The following LPGAT1 variants were observed in gnomAD, a reference collection of about 807,000 sequenced individuals.
LPGAT1 encodes the protein acyl-CoA:lysophosphatidylglycerol acyltransferase 1.
In LPGAT1, 11 loss-of-function variants were observed where a neutral mutation model predicts 47.5. The ratio of observed to expected loss-of-function variants is 0.23; its 90% CI spans 0.15 to 0.38. The LOEUF (loss-of-function observed/expected upper bound fraction) is 0.38. Among genes scored for constraint, LPGAT1 ranks in the 10% least tolerant of loss-of-function variants. The pLI is 1.00. For missense variants in LPGAT1, 293 were observed against 439.0 expected (o/e 0.67, Z 2.97); for synonymous variants, 138 against 144.2 (o/e 0.96, Z 0.31).
chr1:211,771,906 T>C (rs1286141279), intron 6 of LPGAT1, among the ~76,000 whole-genome samples: 3 of 152,192 alleles, frequency 2.0e-5, no homozygotes, highest in Non-Finnish European at 4.4e-5. Flanking sequence ...CTTGAAGACA[T>C]TAAGAGTCTC....
chr1:211,781,169 T>G (rs929819237), intron 5 of LPGAT1, among the ~76,000 whole-genome samples: 2 of 152,242 alleles, frequency 1.3e-5, no homozygotes, highest in Non-Finnish European at 2.9e-5. Context: ...AGTACACTTA[T>G]AATTTTTCTT....
At chr1:211,820,462 C>T (rs1346767665) in intron 2 of LPGAT1, among the ~76,000 whole-genome samples, 1 of 148,868 alleles carries the variant, frequency 6.7e-6, no homozygotes, top group Non-Finnish European at 1.5e-5. Flanking sequence ...AACAAGACCA[C>T]AAACAAGAAA....
intron 2 of LPGAT1, among the ~76,000 whole-genome samples, chr1:211,798,596 T>A (rs1224562052): frequency 6.6e-6 from 1 of 152,080 alleles, no homozygotes; most frequent in East Asian, 1.9e-4. Context: ...AGGCAGAGGA[T>A]CTCTTGGGCT....
chr1:211,781,806 T>C (rs185775207), intron 5 of LPGAT1, among the ~76,000 whole-genome samples: 74 of 152,338 alleles, frequency 4.9e-4, no homozygotes, highest in Non-Finnish European at 9.0e-4. Flanking sequence ...GTATCTTAGA[T>C]AGCTTGTTCA....
At chr1:211,783,086 C>T (rs1251455218) in intron 5 of LPGAT1, 143 bp downstream of exon 5, 2 of 758,724 alleles carry the variant, frequency 2.6e-6, no homozygotes, top group African/African-American at 1.8e-5. Context: ...TAAATGGAAA[C>T]TTTTTTAAAA....
chr1:211,811,030 C>T (rs1186760407), intron 2 of LPGAT1, among the ~76,000 whole-genome samples: 1 of 152,094 alleles, frequency 6.6e-6, no homozygotes, highest in Non-Finnish European at 1.5e-5. Context: ...CATTCACCAC[C>T]CAAAGTGGGG....
At chr1:211,796,265 C>T (rs1464608619) in intron 2 of LPGAT1, among the ~76,000 whole-genome samples, 1 of 151,986 alleles carries the variant, frequency 6.6e-6, no homozygotes, top group African/African-American at 2.4e-5. Context: ...AATTCATGTC[C>T]CCCCAAAATC....
chr1:211,773,326 G>A (rs1298885161), intron 6 of LPGAT1, among the ~76,000 whole-genome samples: 1 of 152,000 alleles, frequency 6.6e-6, no homozygotes, highest in Non-Finnish European at 1.5e-5. Flanking sequence ...AAATGTTAAT[G>A]TTTGTTTACC....
chr1:211,779,027 G>A lies in LPGAT1; in HGVS notation c.745C>T (p.Leu249Phe). ...ATCGTTGTATCTATTATCCACTGGAGGCCTTTTGATTTGCTGTCTGAGAAC... is the reference window on the plus strand; with the variant it reads ...ATCGTTGTATCTATTATCCACTGGAAGCCTTTTGATTTGCTGTCTGAGAAC... ...AKELDSKSKG[L>F]QWIIDTTIAY... The change falls in exon 6 of 8, where the codon CTC becomes TTC. Residue 249 changes from leucine (L) to phenylalanine (F), a missense_variant. Coordinates refer to ENST00000366997, the MANE Select transcript of LPGAT1 (RefSeq NM_014873.3). 1 of 1,582,296 alleles carries A rather than the reference G, an allele frequency of 6.3e-7. No individual in the cohort carries two copies. Among genetic ancestry groups the A allele is most frequent in the Non-Finnish European group, 8.5e-7 (1 of 1,170,594 alleles).
chr1:211,790,684 T>A (rs1558270233), intron 3 of LPGAT1, among the ~76,000 whole-genome samples: 1 of 152,130 alleles, frequency 6.6e-6, no homozygotes, highest in South Asian at 2.1e-4. Flanking sequence ...GATAGAAAAA[T>A]GAACCTAGCC....
chr1:211,766,205 C>T (rs1657906479), intron 6 of LPGAT1, among the ~76,000 whole-genome samples: 1 of 152,136 alleles, frequency 6.6e-6, no homozygotes, highest in East Asian at 1.9e-4. Context: ...GAACTGACAA[C>T]GTTGGCTCCC....
At position 211,745,491 on chromosome 1, in the gene LPGAT1, A is replaced by G. The variant is rs1656906647; in HGVS notation, c.*4408T>C. 3 of 152,350 alleles carry G rather than the reference A, an allele frequency of 2.0e-5. No homozygotes were observed. The South Asian group carries it at 6.2e-4, about 32-fold the overall frequency. 9.4% of individuals were successfully genotyped at this position (152,350 alleles called of 1,614,324 possible). Reference sequence around the variant, plus strand: ...TTACACAATAAAAATAAAGCCATTCAAGATATGTGTGCATACTTTGCAACT... The same window carrying G: ...TTACACAATAAAAATAAAGCCATTCGAGATATGTGTGCATACTTTGCAACT... On this transcript the variant is annotated 3_prime_UTR_variant, in exon 8 of 8. Transcript: ENST00000366997.
intron 2 of LPGAT1, among the ~76,000 whole-genome samples, chr1:211,803,764 C>CTTTTTTTTT (rs372453326): frequency 7.2e-6 from 1 of 139,042 alleles, no homozygotes; most frequent in Non-Finnish European, 1.6e-5. Flanking sequence ...GTTTTTCTTT[C>CTTTTTTTTT]TTTTTTTTTT....
intron 3 of LPGAT1, among the ~76,000 whole-genome samples, chr1:211,790,038 T>C (rs1659044545): frequency 6.6e-6 from 1 of 152,178 alleles, no homozygotes; most frequent in South Asian, 2.1e-4. Flanking sequence ...AAAATCAATC[T>C]ATATCAATTA....
At chr1:211,779,089 A>G in intron 5 of LPGAT1, 45 bp from the exon 6 acceptor site, 2 of 1,473,548 alleles carry the variant, frequency 1.4e-6, no homozygotes, top group South Asian at 1.3e-5. Context: ...CAACTTTTAT[A>G]TTATCTGCAG....
At chr1:211,782,835 T>C (rs150796725) in intron 5 of LPGAT1, among the ~76,000 whole-genome samples, 11 of 152,186 alleles carry the variant, frequency 7.2e-5, no homozygotes, top group African/African-American at 2.4e-4. Flanking sequence ...TATTATTTGA[T>C]AAATGAAAAG....
chr1:211,829,576 C>T (rs1289199485), intron 1 of LPGAT1: 8 of 1,303,206 alleles, frequency 6.1e-6, no homozygotes, highest in African/African-American at 3.0e-5. Flanking sequence ...AATGATAACA[C>T]AATTCCCATT....
At chr1:211,790,684 T>C (rs1558270233) in intron 3 of LPGAT1, among the ~76,000 whole-genome samples, 1 of 152,130 alleles carries the variant, frequency 6.6e-6, no homozygotes, top group Admixed American at 6.5e-5. Context: ...GATAGAAAAA[T>C]GAACCTAGCC....
At chr1:211,756,888 T>TC (rs1336844973) in intron 6 of LPGAT1, among the ~76,000 whole-genome samples, 4 of 151,168 alleles carry the variant, frequency 2.6e-5, no homozygotes, top group Non-Finnish European at 4.4e-5. Flanking sequence ...TTTTTTTTTT[T>TC]CCACACATGG....
Sources: gnomAD v4.1 joint callset for allele counts (sites outside exome capture counted in the v4.1 genomes callset) on GRCh38, gnomAD v4.1.1 for gene constraint, MANE v1.5 for transcripts, NCBI Gene and HGNC (gene_info 2026-07-23, HGNC 2026-07-21) for gene names.